The following THSD4 variants were observed in gnomAD, a reference collection of about 807,000 sequenced individuals.
THSD4 encodes thrombospondin type-1 domain-containing protein 4.
In THSD4, 69 loss-of-function variants were observed where a neutral mutation model predicts 119.0. The observed-to-expected ratio is 0.58, with a 90% CI of 0.48 to 0.71. The LOEUF (loss-of-function observed/expected upper bound fraction) is 0.71, where lower values mean the gene tolerates loss of function less well. Among genes scored for constraint, THSD4 ranks in the 30% least tolerant of loss-of-function variants. THSD4 has a pLI of 0.00. For synonymous variants in THSD4, 524 were observed against 540.4 expected (o/e 0.97, Z 0.42); for missense variants, 1,393 against 1,391.1 (o/e 1.00, Z -0.02).
intron 3 of THSD4, among the ~76,000 whole-genome samples, chr15:71,163,253 A>AT (rs199649613): frequency 2.4e-4 from 35 of 144,478 alleles, no homozygotes; most frequent in African/African-American, 6.3e-4. Context: ...TAAAACAGTC[A>AT]TTTTTTTTTT....
intron 6 of THSD4, chr15:71,348,237 T>C (rs183329666): frequency 9.3e-4 from 142 of 152,332 alleles, no homozygotes; most frequent in African/African-American, 3.3e-3. Context: ...TCCAGACCAG[T>C]GCTTTTCAAA....
intron 7 of THSD4, among the ~76,000 whole-genome samples, chr15:71,564,642 TATAACATATAATACAATATATA>T: frequency 3.1e-5 from 1 of 32,398 alleles, no homozygotes; most frequent in African/African-American, 1.8e-4. Flanking sequence ...TATTGTATAT[TATAACATATAATACAATATATA>T]GTATATTATA....
chr15:71,199,738 A>AGTGTGTGTGTG (rs2043770102), intron 3 of THSD4, among the ~76,000 whole-genome samples: 2 of 20,996 alleles, frequency 9.5e-5, no homozygotes, highest in African/African-American at 4.8e-4. Context: ...GTGTGTGTGT[A>AGTGTGTGTGTG]GTGTGTGTGG....
intron 6 of THSD4, among the ~76,000 whole-genome samples, chr15:71,316,863 T>C (rs1372491050): frequency 6.6e-6 from 1 of 152,180 alleles, no homozygotes; most frequent in Non-Finnish European, 1.5e-5. Flanking sequence ...TACCAAAGTA[T>C]TATACTTTGT....
chr15:71,132,105 C>A (rs1464254063), intron 1 of THSD4, among the ~76,000 whole-genome samples: 1 of 152,146 alleles, frequency 6.6e-6, no homozygotes. Flanking sequence ...GCATTATTGG[C>A]AAATGTGTTT....
intron 8 of THSD4, among the ~76,000 whole-genome samples, chr15:71,706,871 C>A (rs1383557468): frequency 1.3e-5 from 2 of 152,136 alleles, no homozygotes; most frequent in African/African-American, 4.8e-5. Context: ...GGTGCCAGAA[C>A]TGAGGCAAGA....
chr15:71,395,144 C>T (rs144638616), intron 6 of THSD4, among the ~76,000 whole-genome samples: 3 of 152,270 alleles, frequency 2.0e-5, no homozygotes, highest in East Asian at 1.9e-4. Flanking sequence ...CCTTAGGAGT[C>T]GGATGCGGAT....
At chr15:71,497,972 A>G (rs2048052388) in intron 7 of THSD4, among the ~76,000 whole-genome samples, 1 of 152,224 alleles carries the variant, frequency 6.6e-6, no homozygotes, top group South Asian at 2.1e-4. Flanking sequence ...GGAATTAAAT[A>G]TGTTTGAGTT....
intron 6 of THSD4, chr15:71,342,632 C>T (rs758504878): frequency 6.0e-4 from 91 of 152,478 alleles, no homozygotes; most frequent in Non-Finnish European, 1.1e-3. Flanking sequence ...GGGGACATTC[C>T]GTGGCTACAG....
At chr15:71,576,823 G>A (rs1235011707) in intron 7 of THSD4, among the ~76,000 whole-genome samples, 1 of 152,056 alleles carries the variant, frequency 6.6e-6, no homozygotes, top group East Asian at 1.9e-4. Context: ...TTGGCTACCA[G>A]TGGTCTCAAA....
chr15:71,583,273 C>T (rs992967648), intron 7 of THSD4, among the ~76,000 whole-genome samples: 2 of 152,072 alleles, frequency 1.3e-5, no homozygotes, highest in African/African-American at 4.8e-5. Context: ...TCTCCGCTTT[C>T]ACTTCTCATT....
At chr15:71,688,292 C>CTTTTTTTTTTTTTTTTTTTTTTTT (rs1567101664) in intron 8 of THSD4, among the ~76,000 whole-genome samples, 1 of 152,188 alleles carries the variant, frequency 6.6e-6, no homozygotes, top group East Asian at 1.9e-4. Flanking sequence ...AGAACATTTT[C>CTTTTTTTTTTTTTTTTTTTTTTTT]CTTTCAGCCT....
At chr15:71,271,703 C>T (rs1477000120) in intron 6 of THSD4, among the ~76,000 whole-genome samples, 4 of 152,220 alleles carry the variant, frequency 2.6e-5, no homozygotes, top group African/African-American at 9.6e-5. Flanking sequence ...GCCTCTCTCT[C>T]TCACTCTGTC....
chr15:71,404,099 T>C (rs1360185753), intron 6 of THSD4, among the ~76,000 whole-genome samples: 1 of 152,212 alleles, frequency 6.6e-6, no homozygotes, highest in Non-Finnish European at 1.5e-5. Context: ...ATCACAACTT[T>C]ATTGAAATAA....
rs145006149 is a variant in THSD4, at chr15:71,382,299, A to G, written c.1016-29388A>G. ...AAAGAAAAACCTTTCACGATTTCCT[A>G]TTAAGAGCAGAAGCCAATACTCCAA... On this transcript the variant is annotated intron_variant, in intron 6 of 17. Coordinates refer to ENST00000261862, the MANE Select transcript of THSD4 (RefSeq NM_024817.3). 3.8e-3 allele frequency among the ~76,000 whole-genome samples: 578 copies of G among 152,288 alleles called. 11 individuals carry two copies. The highest frequency in any genetic ancestry group is 0.035 in the Admixed American group (541 of 15,304).
At chr15:71,117,240 A>G (rs2040370976) in intron 1 of THSD4, among the ~76,000 whole-genome samples, 1 of 152,180 alleles carries the variant, frequency 6.6e-6, no homozygotes, top group Non-Finnish European at 1.5e-5. Context: ...TTAGTCTCCT[A>G]TGCCATAAAG....
At chr15:71,388,923 TC>T (rs1194654262) in intron 6 of THSD4, among the ~76,000 whole-genome samples, 1 of 152,080 alleles carries the variant, frequency 6.6e-6, no homozygotes, top group Non-Finnish European at 1.5e-5. Flanking sequence ...TGGGGGTGGT[TC>T]CCCCATACTG....
At chr15:71,749,467 A>T (rs1385925922) in intron 14 of THSD4, among the ~76,000 whole-genome samples, 1 of 152,070 alleles carries the variant, frequency 6.6e-6, no homozygotes, top group Admixed American at 6.6e-5. Context: ...TCTCTAGGAG[A>T]TCTAGGGAGT....
intron 6 of THSD4, among the ~76,000 whole-genome samples, chr15:71,391,005 C>T (rs945552689): frequency 1.3e-5 from 2 of 149,510 alleles, no homozygotes; most frequent in Non-Finnish European, 3.0e-5. Context: ...AGACTACAGG[C>T]ATAAGCCACC....
Sources: allele counts gnomAD v4.1 joint callset (sites outside exome capture counted in the v4.1 genomes callset), GRCh38; gene constraint gnomAD v4.1.1; transcripts MANE v1.5; gene names NCBI Gene and HGNC (gene_info 2026-07-23, HGNC 2026-07-21).